Variants in LEPR observed in about 807,000 individuals in gnomAD.
LEPR encodes leptin receptor.
Under a neutral mutation model 114.7 loss-of-function variants are expected in LEPR, and 56 were observed. The observed-to-expected ratio is 0.49, with a 90% CI of 0.39 to 0.61. The LOEUF (loss-of-function observed/expected upper bound fraction) is 0.61, where lower values mean the gene tolerates loss of function less well. Among genes scored for constraint, LEPR ranks in the 20% least tolerant of loss-of-function variants. The probability of loss-of-function intolerance (pLI) is 0.00; values close to 1 mark genes in which losing one functional copy is unlikely to be tolerated. For synonymous variants in LEPR, 443 were observed against 461.4 expected (o/e 0.96, Z 0.51); for missense variants, 1,202 against 1,352.9 (o/e 0.89, Z 1.75).
At chr1:65,594,651 G>A (rs1223238477) in intron 6 of LEPR, among the ~76,000 whole-genome samples, 2 of 152,046 alleles carry the variant, frequency 1.3e-5, no homozygotes, top group East Asian at 1.9e-4. Context: ...CCTAAGAGAC[G>A]TTGAATAAGA....
chr1:65,485,516 G>A lies in LEPR; in HGVS notation c.-21+60138G>A, dbSNP rs1647441708. On this transcript the variant is annotated intron_variant, in intron 2 of 19. Coordinates refer to ENST00000349533, the MANE Select transcript of LEPR (RefSeq NM_002303.6). ...TTGCATCTTTCTGTTGCCATAGAGA[G>A]CATCACCATCACCTTTTAGATAGGA... Among the ~76,000 whole-genome samples the A allele has an allele frequency of 2.6e-5, 4 of 152,170 alleles. No homozygotes were observed. In the South Asian group the frequency reaches 6.2e-4, roughly 24 times the overall value.
intron 3 of LEPR, among the ~76,000 whole-genome samples, chr1:65,570,255 A>G (rs1284650623): frequency 1.3e-5 from 2 of 152,230 alleles, no homozygotes; most frequent in Non-Finnish European, 2.9e-5. Context: ...AAAAGAAAAG[A>G]GATGTCAGAA....
chr1:65,491,639 G>A (rs1647875709), intron 2 of LEPR, among the ~76,000 whole-genome samples: 1 of 152,040 alleles, frequency 6.6e-6, no homozygotes, highest in Non-Finnish European at 1.5e-5. Flanking sequence ...GGTATCTATG[G>A]CGTAAAAGCC....
intron 2 of LEPR, among the ~76,000 whole-genome samples, chr1:65,475,054 A>C (rs1288161070): frequency 8.4e-6 from 1 of 118,416 alleles, no homozygotes; most frequent in Non-Finnish European, 2.1e-5. Flanking sequence ...ATCATTTTGA[A>C]AGGTGAAAAA....
chr1:65,479,607 A>G (rs555315783), intron 2 of LEPR, among the ~76,000 whole-genome samples: 2 of 152,200 alleles, frequency 1.3e-5, no homozygotes, highest in Non-Finnish European at 2.9e-5. Flanking sequence ...TGTTCAGACA[A>G]TAAAGAAAAT....
intron 2 of LEPR, among the ~76,000 whole-genome samples, chr1:65,556,708 G>A (rs1321701515): frequency 6.6e-6 from 1 of 152,142 alleles, no homozygotes; most frequent in East Asian, 1.9e-4. Context: ...GTTGGCATGG[G>A]GGAGGTGCTA....
At chr1:65,631,105 G>C (rs774419853) in intron 19 of LEPR, among the ~76,000 whole-genome samples, 13 of 152,112 alleles carry the variant, frequency 8.5e-5, no homozygotes, top group Non-Finnish European at 1.6e-4. Flanking sequence ...TGGGTGAGTA[G>C]GCAGGGTTCT....
rs1658745747 is a variant in LEPR, at chr1:65,637,135, A to G, written c.*120A>G. 2 of 1,172,286 alleles carry G rather than the reference A, an allele frequency of 1.7e-6. No homozygotes were observed. The highest frequency in any genetic ancestry group is 2.4e-6 in the Non-Finnish European group (2 of 837,884). The allele number at this position is 1,172,286 out of a possible 1,614,324, so 72.6% of individuals were successfully genotyped here. On this transcript the variant is annotated 3_prime_UTR_variant, in exon 20 of 20. Transcript: ENST00000349533. ...TCAAATTTGAAAATAATTGTTCCAA[A>G]TGAATGTTGTCTGTTTGTTCTCTCT... is the stretch of plus-strand genomic sequence containing the variant.
intron 19 of LEPR, chr1:65,629,338 T>A (rs992147663): frequency 2.2e-6 from 1 of 450,386 alleles, no homozygotes; most frequent in African/African-American, 2.0e-5. Flanking sequence ...TAAGTCAGGG[T>A]TGATATGATG....
chr1:65,424,538 T>C (rs1477520206), intron 1 of LEPR, among the ~76,000 whole-genome samples: 2 of 120,648 alleles, frequency 1.7e-5, no homozygotes, highest in Non-Finnish European at 3.6e-5. Context: ...GAGACCTTTG[T>C]ATACTTTATG....
In LEPR at chr1:65,572,422, A is replaced by G. The variant is rs779724637; in HGVS notation, c.467A>G (p.Asn156Ser). The change falls in exon 5 of 20, where the codon AAC becomes AGC. Residue 156 changes from asparagine (N) to serine (S), a missense_variant. Physicochemically the swap from Asn to Ser is conservative, Grantham distance 46. Transcript: ENST00000349533. ...SLFKNLFRNYNYKVHLLYVLP... is the reference protein window; with the variant it reads ...SLFKNLFRNYSYKVHLLYVLP... ...TTTAAGAATCTATTCAGGAATTATA[A>G]CTATAAGGTCCATCTTTTATATGTT... 1 of 1,598,692 alleles carries G rather than the reference A, an allele frequency of 6.3e-7. No individual in the cohort carries two copies. Among genetic ancestry groups the G allele is most frequent in the Non-Finnish European group, 8.5e-7 (1 of 1,171,190 alleles).
At chr1:65,494,672 C>T (rs1009240738) in intron 2 of LEPR, among the ~76,000 whole-genome samples, 4 of 152,054 alleles carry the variant, frequency 2.6e-5, no homozygotes, top group Non-Finnish European at 5.9e-5. Flanking sequence ...CTTTCTTAGC[C>T]ACTGTAAATA....
chr1:65,601,075 G>A (rs1656409617), intron 8 of LEPR, among the ~76,000 whole-genome samples: 1 of 151,860 alleles, frequency 6.6e-6, no homozygotes, highest in Admixed American at 6.6e-5. Flanking sequence ...GCTATATTTT[G>A]TTTTAGTCAC....
intron 3 of LEPR, among the ~76,000 whole-genome samples, chr1:65,570,217 A>G (rs1460038311): frequency 6.6e-6 from 1 of 152,218 alleles, no homozygotes; most frequent in African/African-American, 2.4e-5. Flanking sequence ...TGTCAGCTTA[A>G]AGAGAAAACA....
intron 18 of LEPR, among the ~76,000 whole-genome samples, chr1:65,621,952 G>A (rs1178954636): frequency 6.6e-6 from 1 of 152,090 alleles, no homozygotes; most frequent in African/African-American, 2.4e-5. Context: ...TGCCTGGTCA[G>A]GGAGGATGGA....
chr1:65,450,034 G>T (rs1389733144), intron 2 of LEPR, among the ~76,000 whole-genome samples: 1 of 152,012 alleles, frequency 6.6e-6, no homozygotes, highest in African/African-American at 2.4e-5. Context: ...GAAGTGTGTT[G>T]TTTAATCTCC....
intron 2 of LEPR, among the ~76,000 whole-genome samples, chr1:65,441,548 CT>C (rs1182400682): frequency 6.6e-6 from 1 of 151,994 alleles, no homozygotes; most frequent in African/African-American, 2.4e-5. Flanking sequence ...GAGAAGAAAA[CT>C]TTTTTGTTTA....
At chr1:65,578,701 T>C (rs1450479074) in intron 5 of LEPR, among the ~76,000 whole-genome samples, 2 of 152,194 alleles carry the variant, frequency 1.3e-5, no homozygotes, top group African/African-American at 2.4e-5. Flanking sequence ...AAGCTAAATA[T>C]AAAATTGTAA....
chr1:65,588,238 T>G (rs1351671660), intron 5 of LEPR, among the ~76,000 whole-genome samples: 1 of 152,044 alleles, frequency 6.6e-6, no homozygotes. Flanking sequence ...AACAACTGTC[T>G]GTTCTTGGTT....
Sources: gnomAD v4.1 joint callset for allele counts (sites outside exome capture counted in the v4.1 genomes callset) on GRCh38, gnomAD v4.1.1 for gene constraint, MANE v1.5 for transcripts, NCBI Gene and HGNC (gene_info 2026-07-23, HGNC 2026-07-21) for gene names.